Variants in CTNNA3 observed in about 807,000 individuals in gnomAD.
CTNNA3 encodes the protein catenin alpha-3.
In CTNNA3, 76 loss-of-function variants were observed where a neutral mutation model predicts 95.7. That is an observed-to-expected ratio of 0.79 (90% CI 0.66 to 0.96). The LOEUF is 0.96. Among genes scored for constraint, CTNNA3 ranks in the 40% least tolerant of loss-of-function variants. CTNNA3 has a pLI of 0.00. For synonymous variants in CTNNA3, 431 were observed against 374.4 expected (o/e 1.15, Z -1.74); for missense variants, 1,191 against 1,089.8 (o/e 1.09, Z -1.31).
chr10:66,958,308 CAAAAAA>C (rs35076056), intron 7 of CTNNA3, among the ~76,000 whole-genome samples: 80 of 86,924 alleles, frequency 9.2e-4, no homozygotes, highest in African/African-American at 3.1e-3. Flanking sequence ...TGCTTTCTTG[CAAAAAA>C]AAAAAAAAAA....
chr10:66,543,735 T>C (rs1419692581), intron 10 of CTNNA3, among the ~76,000 whole-genome samples: 8 of 151,468 alleles, frequency 5.3e-5, no homozygotes, highest in African/African-American at 1.9e-4. Flanking sequence ...CTCTGAATCT[T>C]ATTTCAATTA....
At chr10:67,577,137 C>G (rs1172871466) in intron 3 of CTNNA3, among the ~76,000 whole-genome samples, 2 of 151,292 alleles carry the variant, frequency 1.3e-5, no homozygotes, top group African/African-American at 4.9e-5. Flanking sequence ...ACACTGACTT[C>G]CACAATGGTT....
chr10:66,369,922 G>T (rs555967116), intron 12 of CTNNA3, among the ~76,000 whole-genome samples: 3 of 151,990 alleles, frequency 2.0e-5, no homozygotes, highest in Non-Finnish European at 4.4e-5. Context: ...CACCCAACCA[G>T]GACTACATCT....
Position 66,309,520 on chromosome 10 carries a change from A to G in CTNNA3, c.1733-28899T>C, listed in dbSNP as rs562726770. 1.5e-3 allele frequency among the ~76,000 whole-genome samples: 224 copies of G among 150,320 alleles called. 1 individual carries two copies. Among genetic ancestry groups the G allele is most frequent in the Non-Finnish European group, 2.2e-3 (151 of 67,458 alleles). On this transcript the variant is annotated intron_variant, in intron 12 of 17. Transcript: ENST00000433211. ...ATCCTGGCTAACACTGTGAAACCCCATCTACCAAAAATACAAAATAATAGC... is the reference window on the plus strand; with the variant it reads ...ATCCTGGCTAACACTGTGAAACCCCGTCTACCAAAAATACAAAATAATAGC...
At chr10:67,608,194 T>G (rs1039817558) in intron 2 of CTNNA3, among the ~76,000 whole-genome samples, 8 of 152,104 alleles carry the variant, frequency 5.3e-5, no homozygotes, top group Non-Finnish European at 1.0e-4. Context: ...GGATTTGGAC[T>G]TTGTCCCCTG....
At chr10:67,575,825 G>A (rs1448527711) in intron 3 of CTNNA3, among the ~76,000 whole-genome samples, 1 of 152,074 alleles carries the variant, frequency 6.6e-6, no homozygotes, top group Non-Finnish European at 1.5e-5. Context: ...TAACAATCTT[G>A]TTATGGTTGT....
intron 5 of CTNNA3, among the ~76,000 whole-genome samples, chr10:67,221,694 C>T (rs1177441919): frequency 1.3e-5 from 2 of 152,102 alleles, no homozygotes; most frequent in Non-Finnish European, 2.9e-5. Flanking sequence ...CCTGCCTCGG[C>T]CTCCTGAGTA....
At chr10:67,526,373 T>C (rs1840146042) in intron 4 of CTNNA3, among the ~76,000 whole-genome samples, 1 of 149,308 alleles carries the variant, frequency 6.7e-6, no homozygotes, top group South Asian at 2.1e-4. Context: ...TTTTTTGCTG[T>C]AAGGAATGAC....
At chr10:66,770,074 G>T (rs377334912) in intron 8 of CTNNA3, among the ~76,000 whole-genome samples, 1 of 152,104 alleles carries the variant, frequency 6.6e-6, no homozygotes, top group Non-Finnish European at 1.5e-5. Flanking sequence ...TACTACCTTG[G>T]CTCTGTACAT....
chr10:66,819,340 T>C (rs1299176168), intron 7 of CTNNA3, among the ~76,000 whole-genome samples: 2 of 152,070 alleles, frequency 1.3e-5, no homozygotes, highest in East Asian at 1.9e-4. Context: ...AAATCTAACT[T>C]AAAACGAATC....
At chr10:66,323,656 G>GAAA (rs150270297) in intron 12 of CTNNA3, among the ~76,000 whole-genome samples, 2 of 133,044 alleles carry the variant, frequency 1.5e-5, no homozygotes, top group Non-Finnish European at 3.2e-5. Context: ...CATCTCAAAC[G>GAAA]AAAAAAAAAA....
intron 5 of CTNNA3, among the ~76,000 whole-genome samples, chr10:67,392,383 G>T (rs951217752): frequency 6.6e-6 from 1 of 152,078 alleles, no homozygotes; most frequent in African/African-American, 2.4e-5. Context: ...TTAGAATGGC[G>T]ATCATTAAAA....
At chr10:66,101,836 T>C (rs893275299) in intron 14 of CTNNA3, among the ~76,000 whole-genome samples, 1 of 152,220 alleles carries the variant, frequency 6.6e-6, no homozygotes, top group Admixed American at 6.5e-5. Context: ...GTATTTATCT[T>C]ATATTACATT....
rs768490813 is a variant in CTNNA3 at position 67,062,129 on chromosome 10, T to C, written c.1047+118188A>G. Among the ~76,000 whole-genome samples, 4 of 152,278 alleles carry C rather than the reference T, an allele frequency of 2.6e-5. No individual in the cohort carries two copies. In the South Asian group the frequency reaches 6.2e-4, roughly 24 times the overall value. On this transcript the variant is annotated intron_variant, in intron 7 of 17. Transcript: ENST00000433211. ...ATATATACATTATCTCTTAGGATCA[T>C]ATAACAAAGTTTGAGGCAGGTGGAT...
chr10:66,139,679 A>C (rs2083517187), intron 13 of CTNNA3, among the ~76,000 whole-genome samples: 1 of 152,100 alleles, frequency 6.6e-6, no homozygotes, highest in Non-Finnish European at 1.5e-5. Flanking sequence ...ACAATAGACC[A>C]TCATAATTGT....
intron 9 of CTNNA3, among the ~76,000 whole-genome samples, chr10:66,669,731 C>A (rs1846589720): frequency 6.6e-6 from 1 of 152,072 alleles, no homozygotes; most frequent in Non-Finnish European, 1.5e-5. Flanking sequence ...ATATAGCAGT[C>A]CCCTTGAGCA....
At chr10:66,545,226 C>A (rs61504366) in intron 10 of CTNNA3, among the ~76,000 whole-genome samples, 3,789 of 152,016 alleles carry the variant, frequency 0.025, 135 homozygotes, top group African/African-American at 0.077. Context: ...ATAAATTACA[C>A]ACCCTTATAT....
chr10:66,563,450 A>G (rs2132140473), intron 10 of CTNNA3, among the ~76,000 whole-genome samples: 1 of 152,286 alleles, frequency 6.6e-6, no homozygotes, highest in Admixed American at 6.5e-5. Context: ...ACTTAAAAAG[A>G]TTAAAAGAAA....
At chr10:67,417,366 G>A (rs987327913) in intron 5 of CTNNA3, among the ~76,000 whole-genome samples, 4 of 152,182 alleles carry the variant, frequency 2.6e-5, no homozygotes, top group Admixed American at 6.5e-5. Context: ...AACAGTGGAC[G>A]GGATCTATAC....
Sources: allele counts gnomAD v4.1 joint callset (sites outside exome capture counted in the v4.1 genomes callset), GRCh38; gene constraint gnomAD v4.1.1; transcripts MANE v1.5; gene names NCBI Gene and HGNC (gene_info 2026-07-23, HGNC 2026-07-21).